PDE1C: variants seen among roughly 807,000 people sequenced by gnomAD.
The protein encoded by PDE1C is dual specificity calcium/calmodulin-dependent 3',5'-cyclic nucleotide phosphodiesterase 1C.
A neutral mutation model predicts 93.1 loss-of-function variants in PDE1C; 62 were observed. The ratio of observed to expected loss-of-function variants is 0.67; its 90% CI spans 0.54 to 0.82. The LOEUF is 0.82. PDE1C is among the 40% of genes least tolerant of loss of function. The pLI, the probability that PDE1C is intolerant of heterozygous loss-of-function variation, is 0.00. For missense variants in PDE1C, 742 were observed against 884.6 expected, an observed-to-expected ratio of 0.84 and a Z score of 2.04; for synonymous variants, 325 against 310.1, an observed-to-expected ratio of 1.05 and a Z score of -0.50.
chr7:32,263,267 A>G (rs1397603964), intron 1 of PDE1C, among the ~76,000 whole-genome samples: 3 of 152,176 alleles, frequency 2.0e-5, no homozygotes, highest in Non-Finnish European at 4.4e-5. Context: ...CTTTACGCAG[A>G]TTCACCTACT....
At chr7:31,896,943 T>C (rs1799392109) in intron 2 of PDE1C, among the ~76,000 whole-genome samples, 2 of 152,240 alleles carry the variant, frequency 1.3e-5, no homozygotes, top group African/African-American at 2.4e-5. Context: ...GATGTTAACA[T>C]GCATTGCTGG....
At chr7:32,059,983 T>C (rs1794613185) in intron 1 of PDE1C, among the ~76,000 whole-genome samples, 1 of 152,198 alleles carries the variant, frequency 6.6e-6, no homozygotes, top group Admixed American at 6.5e-5. Flanking sequence ...GGAGCCCGTC[T>C]CCTGCTTAAA....
chr7:31,921,955 C>A (rs1382311756), intron 2 of PDE1C, among the ~76,000 whole-genome samples: 1 of 151,858 alleles, frequency 6.6e-6, no homozygotes, highest in Non-Finnish European at 1.5e-5. Flanking sequence ...GTATTTGTAT[C>A]CATTCTATAG....
chr7:31,692,619 C>T, the PDE1C span: 1 of 1,155,124 alleles, frequency 8.7e-7, no homozygotes, highest in African/African-American at 1.5e-5. Flanking sequence ...GAGGGCACCC[C>T]CCGAAACCTG....
intron 1 of PDE1C, among the ~76,000 whole-genome samples, chr7:32,220,631 C>G (rs1479883500): frequency 6.6e-6 from 1 of 151,938 alleles, no homozygotes; most frequent in South Asian, 2.1e-4. Context: ...CTGGCTAACA[C>G]AGTGAAACCC....
At chr7:31,648,955 C>A in the PDE1C span, among the ~76,000 whole-genome samples, 1 of 152,206 alleles carries the variant, frequency 6.6e-6, no homozygotes, top group Admixed American at 6.5e-5. Context: ...ATAACAGATG[C>A]CCTTCATGGT....
intron 2 of PDE1C, among the ~76,000 whole-genome samples, chr7:31,898,827 C>A (rs950224938): frequency 2.0e-5 from 3 of 152,226 alleles, no homozygotes; most frequent in Non-Finnish European, 4.4e-5. Flanking sequence ...AATATATGTG[C>A]AAAAATGTTT....
the PDE1C span, among the ~76,000 whole-genome samples, chr7:31,697,682 C>T: frequency 2.6e-5 from 4 of 152,126 alleles, no homozygotes; most frequent in African/African-American, 9.7e-5. Context: ...ATATTCATGG[C>T]TAGAGTATGA....
intron 1 of PDE1C, among the ~76,000 whole-genome samples, chr7:32,210,342 G>T (rs1805907326): frequency 6.6e-6 from 1 of 152,210 alleles, no homozygotes; most frequent in African/African-American, 2.4e-5. Context: ...GGGTATTTGT[G>T]ATCTACTTGG....
chr7:31,726,081 T>C, the PDE1C span, among the ~76,000 whole-genome samples: 1 of 152,212 alleles, frequency 6.6e-6, no homozygotes, highest in East Asian at 1.9e-4. Flanking sequence ...TTGTTTGTCT[T>C]TTATAGAAAT....
intron 1 of PDE1C, among the ~76,000 whole-genome samples, chr7:32,224,881 A>G (rs1807139826): frequency 6.6e-6 from 1 of 152,054 alleles, no homozygotes; most frequent in African/African-American, 2.4e-5. Flanking sequence ...ACGTTAGAAG[A>G]AAAATAACCT....
chr7:32,200,011 C>T (rs1804896729), intron 2 of PDE1C, among the ~76,000 whole-genome samples: 1 of 152,108 alleles, frequency 6.6e-6, no homozygotes, highest in African/African-American at 2.4e-5. Flanking sequence ...TGTGTTTAGG[C>T]CTAGGTCCCA....
chr7:32,035,327 C>T (rs34080819), intron 2 of PDE1C, among the ~76,000 whole-genome samples: 2,727 of 152,260 alleles, frequency 0.018, 39 homozygotes, highest in Middle Eastern at 0.041. Flanking sequence ...CTGTGATAAA[C>T]TCTCTCACTC....
At chr7:32,201,463 A>G (rs996427525) in intron 2 of PDE1C, among the ~76,000 whole-genome samples, 1 of 152,220 alleles carries the variant, frequency 6.6e-6, no homozygotes, top group Non-Finnish European at 1.5e-5. Context: ...TATTATCTCA[A>G]TAGGGGTACA....
intron 3 of PDE1C, among the ~76,000 whole-genome samples, chr7:32,126,960 A>T (rs141760666): frequency 8.3e-4 from 126 of 152,264 alleles, no homozygotes; most frequent in African/African-American, 2.9e-3. Context: ...TACGTGTGAG[A>T]GTGTTTCTGG....
intron 2 of PDE1C, among the ~76,000 whole-genome samples, chr7:32,177,698 T>G (rs1005544719): frequency 2.0e-5 from 3 of 152,200 alleles, no homozygotes; most frequent in Non-Finnish European, 2.9e-5. Flanking sequence ...CTGAGGCTCT[T>G]GCCTACAGCA....
intron 17 of PDE1C, among the ~76,000 whole-genome samples, chr7:31,762,408 C>T (rs769869529): frequency 5.9e-5 from 9 of 151,944 alleles, no homozygotes; most frequent in Non-Finnish European, 1.2e-4. Flanking sequence ...TGGCGCCATC[C>T]CGGGTCACTG....
chr7:31,889,195 A>C (rs915244052), intron 2 of PDE1C, among the ~76,000 whole-genome samples: 2 of 152,244 alleles, frequency 1.3e-5, no homozygotes, highest in African/African-American at 4.8e-5. Context: ...TGATGTGGTA[A>C]AACAACAAAA....
intron 17 of PDE1C, among the ~76,000 whole-genome samples, chr7:31,768,443 G>T (rs1470345742): frequency 1.3e-5 from 2 of 152,128 alleles, no homozygotes; most frequent in Non-Finnish European, 2.9e-5. Flanking sequence ...TGCAACATTG[G>T]GGATTGGATT....
Sources: gnomAD v4.1 joint callset for allele counts (sites outside exome capture counted in the v4.1 genomes callset) on GRCh38, gnomAD v4.1.1 for gene constraint, MANE v1.5 for transcripts, NCBI Gene and HGNC (gene_info 2026-07-23, HGNC 2026-07-21) for gene names.